The following PRDM16 variants were observed in gnomAD, a reference collection of about 807,000 sequenced individuals.
The protein encoded by PRDM16 is histone-lysine N-methyltransferase PRDM16.
In PRDM16, 23 loss-of-function variants were observed where a neutral mutation model predicts 110.6. The observed-to-expected ratio is 0.21, with a 90% confidence interval of 0.15 to 0.29. The LOEUF (loss-of-function observed/expected upper bound fraction) is 0.29. Among genes scored for constraint, PRDM16 ranks in the 10% least tolerant of loss-of-function variants. PRDM16 has a pLI of 1.00. For missense variants in PRDM16, 1,615 were observed against 1,794.3 expected (o/e 0.90, Z 1.81); for synonymous variants, 799 against 781.8 (o/e 1.02, Z -0.37).
chr1:3,297,443 A>G (rs1570016779), intron 3 of PRDM16, among the ~76,000 whole-genome samples: 1 of 151,878 alleles, frequency 6.6e-6, no homozygotes, highest in East Asian at 1.9e-4. Context: ...GCCACCACAC[A>G]TGGCTAATTT....
At chr1:3,191,285 G>C (rs944620210) in intron 2 of PRDM16, among the ~76,000 whole-genome samples, 1 of 152,190 alleles carries the variant, frequency 6.6e-6, no homozygotes, top group Non-Finnish European at 1.5e-5. Flanking sequence ...GTGTTCATTT[G>C]TTCAATCAAC....
At chr1:3,254,902 A>G (rs192432625) in intron 3 of PRDM16, among the ~76,000 whole-genome samples, 24 of 152,352 alleles carry the variant, frequency 1.6e-4, no homozygotes, top group African/African-American at 5.5e-4. Flanking sequence ...CCTGACTTCA[A>G]ACTATACCAC....
chr1:3,094,244 G>C (rs1413415056), intron 1 of PRDM16, among the ~76,000 whole-genome samples: 2 of 152,240 alleles, frequency 1.3e-5, no homozygotes, highest in Non-Finnish European at 2.9e-5. Flanking sequence ...GGGGCGCACA[G>C]GCAGCAGGCA....
At position 3,350,255 on chromosome 1, in the gene PRDM16, G is replaced by A. The variant is rs958307610; in HGVS notation, c.439-34897G>A. Among the ~76,000 whole-genome samples the A allele has an allele frequency of 7.9e-5, 12 of 152,206 alleles. No homozygotes were observed. Among genetic ancestry groups the A allele is most frequent in the Non-Finnish European group, 1.5e-4 (10 of 68,040 alleles). ...GCAGGAGGATCGCTTGAGCTCAGGA[G>A]GTCCGGGCTACAGAGAGCTGTGATC... On this transcript the variant is annotated intron_variant, in intron 3 of 16. Coordinates refer to ENST00000270722, the MANE Select transcript of PRDM16 (RefSeq NM_022114.4). The surrounding 1 kb of genome is among the most constrained non-coding windows in gnomAD (Gnocchi z 7.1).
chr1:3,073,108 C>T (rs891004109), intron 1 of PRDM16, among the ~76,000 whole-genome samples: 3 of 152,216 alleles, frequency 2.0e-5, no homozygotes, highest in African/African-American at 4.8e-5. Context: ...CTCCTGGCCC[C>T]GAGGCTTCCT....
intron 1 of PRDM16, among the ~76,000 whole-genome samples, chr1:3,099,941 C>T (rs1170208176): frequency 1.3e-5 from 2 of 152,122 alleles, no homozygotes; most frequent in African/African-American, 2.4e-5. Context: ...AATCGGGGGT[C>T]GGTGGCAAGC....
chr1:3,330,650 C>T (rs1373939391), intron 3 of PRDM16, among the ~76,000 whole-genome samples: 1 of 152,198 alleles, frequency 6.6e-6, no homozygotes, highest in East Asian at 1.9e-4. Flanking sequence ...CAATATCTGC[C>T]CCACAGCCTC....
intron 1 of PRDM16, chr1:3,132,808 G>A (rs1643360706): frequency 6.6e-6 from 1 of 152,238 alleles, no homozygotes. Flanking sequence ...CGGGGACTGG[G>A]TGGGGCAGGG....
chr1:3,415,442 C>T (rs547764136), intron 10 of PRDM16, among the ~76,000 whole-genome samples: 25 of 152,378 alleles, frequency 1.6e-4, no homozygotes, highest in Non-Finnish European at 2.4e-4. Flanking sequence ...CCGCCGTGGA[C>T]GGGCCCCCCA....
At chr1:3,404,116 G>A (rs1395415953) in intron 6 of PRDM16, among the ~76,000 whole-genome samples, 4 of 152,338 alleles carry the variant, frequency 2.6e-5, no homozygotes, top group East Asian at 1.9e-4. Flanking sequence ...TTAACGAGCC[G>A]TGATATATCA....
chr1:3,149,241 C>T (rs1041499181), intron 1 of PRDM16, among the ~76,000 whole-genome samples: 2 of 152,132 alleles, frequency 1.3e-5, no homozygotes, highest in Non-Finnish European at 2.9e-5. Flanking sequence ...ATGGAGAACA[C>T]GGGTGAGAAT....
At chr1:3,292,077 G>A (rs909231176) in intron 3 of PRDM16, among the ~76,000 whole-genome samples, 3 of 151,886 alleles carry the variant, frequency 2.0e-5, no homozygotes, top group East Asian at 2.0e-4. Context: ...CAAGGCTGGC[G>A]GAGAGGGCAG....
In PRDM16 at chr1:3,104,856, A is replaced by G. The variant is rs532676774; in HGVS notation, c.37+35560A>G. Reference sequence around the variant, plus strand: ...CAGCTCCTGGCAGCATCTGGTACCCAGTGGCCACTTCATGAACGCTCACTG... The same window carrying G: ...CAGCTCCTGGCAGCATCTGGTACCCGGTGGCCACTTCATGAACGCTCACTG... On this transcript the variant is annotated intron_variant, in intron 1 of 16. Coordinates refer to ENST00000270722, the MANE Select transcript of PRDM16 (RefSeq NM_022114.4). Among the ~76,000 whole-genome samples, 336 of 152,108 alleles carry G rather than the reference A, an allele frequency of 2.2e-3. 1 individual carries two copies. Among genetic ancestry groups the G allele is most frequent in the Admixed American group, 2.9e-3 (45 of 15,282 alleles).
intron 3 of PRDM16, among the ~76,000 whole-genome samples, chr1:3,287,744 T>C (rs113933956): frequency 3.1e-5 from 4 of 130,320 alleles, no homozygotes; most frequent in African/African-American, 1.3e-4. Flanking sequence ...GGGCTGGAGC[T>C]GCCCCTGCCA....
At chr1:3,180,987 C>T (rs1644150032) in intron 1 of PRDM16, among the ~76,000 whole-genome samples, 3 of 145,192 alleles carry the variant, frequency 2.1e-5, no homozygotes, top group Admixed American at 2.0e-4. Flanking sequence ...CACACGCAGT[C>T]TTACACACGA....
chr1:3,350,995 G>A lies in PRDM16; in HGVS notation c.439-34157G>A, dbSNP rs1385496283. ...AGACCATTTCCAAAAATAGCCAGCA[G>A]AGAGCGGGAACTGTCTGCAGAGCTG... On this transcript the variant is annotated intron_variant, in intron 3 of 16. Transcript: ENST00000270722. The surrounding 1 kb of genome is among the most constrained non-coding windows in gnomAD (Gnocchi z 7.1). Among the ~76,000 whole-genome samples, 1 of 152,240 alleles carries A rather than the reference G, an allele frequency of 6.6e-6. No homozygotes were observed. The highest frequency in any genetic ancestry group is 2.4e-5 in the African/African-American group (1 of 41,470).
intron 1 of PRDM16, among the ~76,000 whole-genome samples, chr1:3,133,972 G>A (rs115203814): frequency 4.3e-4 from 66 of 152,348 alleles, no homozygotes; most frequent in African/African-American, 1.3e-3. Context: ...GTGAGAAGGA[G>A]GCTAGAGTTT....
intron 3 of PRDM16, among the ~76,000 whole-genome samples, chr1:3,268,934 G>C (rs1379158622): frequency 6.6e-6 from 1 of 152,256 alleles, no homozygotes; most frequent in East Asian, 1.9e-4. Context: ...CTTTACCTGA[G>C]GTGGCCCCAT....
At chr1:3,238,849 G>A (rs12078962) in intron 2 of PRDM16, among the ~76,000 whole-genome samples, 6 of 152,360 alleles carry the variant, frequency 3.9e-5, no homozygotes, top group East Asian at 3.9e-4. Context: ...GCCCAGACTC[G>A]AGTGCGGGCG....
Sources: gnomAD v4.1 joint callset for allele counts (sites outside exome capture counted in the v4.1 genomes callset) on GRCh38, gnomAD v4.1.1 for gene constraint, Gnocchi (gnomAD v3.1) non-coding constraint, MANE v1.5 for transcripts, NCBI Gene and HGNC (gene_info 2026-07-23, HGNC 2026-07-21) for gene names.